XPR1: variants seen among roughly 807,000 people sequenced by gnomAD.
XPR1 encodes the protein xenotropic and polytropic retrovirus receptor 1, also known as solute carrier family 53 member 1.
A neutral mutation model predicts 87.5 loss-of-function variants in XPR1; 28 were observed. That is an observed-to-expected ratio of 0.32 (90% CI 0.24 to 0.44). XPR1 has a LOEUF of 0.44. XPR1 is among the 20% of genes least tolerant of loss of function. The pLI is 1.00. For missense variants in XPR1, 559 were observed against 862.3 expected (o/e 0.65, Z 4.41); for synonymous variants, 300 against 306.1 (o/e 0.98, Z 0.21).
At chr1:180,642,333 A>G in intron 1 of XPR1, among the ~76,000 whole-genome samples, 1 of 152,158 alleles carries the variant, frequency 6.6e-6, no homozygotes, top group South Asian at 2.1e-4. Flanking sequence ...CCAAATTGCC[A>G]AGCCAAAGTC....
At chr1:180,773,318 C>T (rs545867968) in intron 2 of XPR1, among the ~76,000 whole-genome samples, 11 of 152,094 alleles carry the variant, frequency 7.2e-5, no homozygotes, top group Non-Finnish European at 1.5e-4. Flanking sequence ...TGGCTGCTCC[C>T]AGGAACTGAA....
chr1:180,689,613 ATT>A (rs1041358781), intron 2 of XPR1, among the ~76,000 whole-genome samples: 13 of 152,180 alleles, frequency 8.5e-5, no homozygotes, highest in Non-Finnish European at 2.9e-5. Context: ...ACTAGAGTAA[ATT>A]TAATACATAG....
intron 2 of XPR1, among the ~76,000 whole-genome samples, chr1:180,695,003 A>G (rs1290737182): frequency 6.6e-6 from 1 of 152,092 alleles, no homozygotes; most frequent in Non-Finnish European, 1.5e-5. Context: ...AGTAATTTAC[A>G]TTCCCACCAA....
intron 3 of XPR1, among the ~76,000 whole-genome samples, chr1:180,793,314 A>G (rs1649454737): frequency 6.6e-6 from 1 of 152,048 alleles, no homozygotes; most frequent in Non-Finnish European, 1.5e-5. Context: ...ATTGATTTAT[A>G]TTGTTTTTAT....
intron 2 of XPR1, among the ~76,000 whole-genome samples, chr1:180,759,556 C>T (rs994194436): frequency 1.2e-4 from 18 of 152,168 alleles, no homozygotes; most frequent in Non-Finnish European, 1.8e-4. Context: ...CCTCCCAAGA[C>T]TAAACCAGGA....
At position 180,692,973 on chromosome 1, in the gene XPR1, A is replaced by T. The variant is rs543698008; in HGVS notation, c.121+10562A>T. Among the ~76,000 whole-genome samples, 4 of 152,322 alleles carry T rather than the reference A, an allele frequency of 2.6e-5. No individual in the cohort carries two copies. The East Asian group carries it at 7.7e-4, about 29-fold the overall frequency. On this transcript the variant is annotated intron_variant, in intron 2 of 14. Transcript: ENST00000367590. Reference sequence around the variant, plus strand: ...CACCTGTAAAAGTCACTAATATATGAAGTCACTGTTTTAGTTATCACACAG... The same window carrying T: ...CACCTGTAAAAGTCACTAATATATGTAGTCACTGTTTTAGTTATCACACAG...
chr1:180,650,111 T>C lies in XPR1; in HGVS notation c.69+17841T>C, dbSNP rs1655246046. On this transcript the variant is annotated intron_variant, in intron 1 of 14. Transcript: ENST00000367590. ...GCTGTCACCTTCCCATTATTTTTAT[T>C]CTTAGAGTTTTATACTTAAAAAAAA... 5.3e-5 allele frequency among the ~76,000 whole-genome samples: 8 copies of C among 152,274 alleles called. No homozygotes were observed. In the South Asian group the frequency reaches 1.7e-3, roughly 32 times the overall value.
At chr1:180,835,724 AT>A (rs1291790219) in intron 10 of XPR1, among the ~76,000 whole-genome samples, 23 of 152,182 alleles carry the variant, frequency 1.5e-4, no homozygotes, top group Non-Finnish European at 1.5e-4. Context: ...CTCCATTCTT[AT>A]TTAAACACAC....
At position 180,887,997 on chromosome 1, in the gene XPR1, G is replaced by A. The variant is rs1470740916; in HGVS notation, c.*3931G>A. 6.6e-6 allele frequency: 1 copy of A among 152,184 alleles called. No individual in the cohort carries two copies. The highest frequency in any genetic ancestry group is 1.5e-5 in the Non-Finnish European group (1 of 68,038). The allele number at this position is 152,184 out of a possible 1,614,324, so 9.4% of individuals were successfully genotyped here. ...CATTGAAGATAAGTGAAATAACTTT[G>A]GAGATAGCAGAGAAGAGCAAGAAGA... On this transcript the variant is annotated 3_prime_UTR_variant, in exon 15 of 15. Transcript: ENST00000367590.
intron 2 of XPR1, among the ~76,000 whole-genome samples, chr1:180,686,651 G>A (rs1010568521): frequency 6.6e-6 from 1 of 151,968 alleles, no homozygotes; most frequent in Non-Finnish European, 1.5e-5. Context: ...AATGAGAGTT[G>A]AGTGCAAAAA....
At chr1:180,660,840 TC>T (rs1320788597) in intron 1 of XPR1, among the ~76,000 whole-genome samples, 1 of 152,258 alleles carries the variant, frequency 6.6e-6, no homozygotes, top group Non-Finnish European at 1.5e-5. Context: ...GATGAAATGT[TC>T]TGTAAATATC....
At chr1:180,644,413 T>C (rs1217592157) in intron 1 of XPR1, among the ~76,000 whole-genome samples, 1 of 152,044 alleles carries the variant, frequency 6.6e-6, no homozygotes, top group African/African-American at 2.4e-5. Context: ...ACTTTTTTTT[T>C]TTTTTTAAGA....
Position 180,810,908 on chromosome 1 carries a change from C to T in XPR1, c.682-499C>T, listed in dbSNP as rs554020055. ...CTGTGGATAGCAAAATCCGTGGATG[C>T]TCAAGTCCCTTATAAAATGGCATAC... On this transcript the variant is annotated intron_variant, in intron 6 of 14. Transcript: ENST00000367590. 3.8e-4 allele frequency among the ~76,000 whole-genome samples: 57 copies of T among 151,978 alleles called. 3 individuals are homozygous for T. The South Asian group carries it at 0.01, about 27-fold the overall frequency.
chr1:180,718,626 C>A (rs1658077148), intron 2 of XPR1, among the ~76,000 whole-genome samples: 1 of 151,678 alleles, frequency 6.6e-6, no homozygotes, highest in Non-Finnish European at 1.5e-5. Context: ...ACTGCATGCA[C>A]CCTAAGCTGA....
At chr1:180,838,398 T>G (rs1189668216) in intron 11 of XPR1, among the ~76,000 whole-genome samples, 1 of 152,138 alleles carries the variant, frequency 6.6e-6, no homozygotes, top group African/African-American at 2.4e-5. Flanking sequence ...CCTATGAAGT[T>G]CAAACCCATA....
chr1:180,634,257 C>T (rs926511490), intron 1 of XPR1, among the ~76,000 whole-genome samples: 4 of 152,146 alleles, frequency 2.6e-5, no homozygotes, highest in Admixed American at 6.5e-5. Flanking sequence ...TTGAAAAATT[C>T]GTTTATTGTG....
chr1:180,847,171 G>T (rs1312570336), intron 11 of XPR1, among the ~76,000 whole-genome samples: 1 of 152,164 alleles, frequency 6.6e-6, no homozygotes, highest in African/African-American at 2.4e-5. Context: ...AATCACTGAA[G>T]AAAATTAGGC....
At chr1:180,880,355 G>A (rs1228764464) in intron 14 of XPR1, 58 bp downstream of exon 14, 2 of 1,588,154 alleles carry the variant, frequency 1.3e-6, no homozygotes, top group Non-Finnish European at 1.7e-6. Flanking sequence ...GCATTGGGTA[G>A]CATGTAAGCT....
chr1:180,791,738 A>G (rs1210501003), intron 3 of XPR1, among the ~76,000 whole-genome samples: 3 of 152,182 alleles, frequency 2.0e-5, no homozygotes, highest in Non-Finnish European at 1.5e-5. Flanking sequence ...TACTTGTAGT[A>G]TATTGTTTTC....
Sources: allele counts gnomAD v4.1 joint callset (sites outside exome capture counted in the v4.1 genomes callset), GRCh38; gene constraint gnomAD v4.1.1; transcripts MANE v1.5; gene names NCBI Gene and HGNC (gene_info 2026-07-23, HGNC 2026-07-21).